ICAM2: variants seen among roughly 807,000 people sequenced by gnomAD.
The protein encoded by ICAM2 is intercellular adhesion molecule 2.
Under a neutral mutation model 19.1 loss-of-function variants are expected in ICAM2, and 14 were observed. The ratio of observed to expected loss-of-function variants is 0.73; its 90% CI spans 0.48 to 1.15. The LOEUF is 1.15. ICAM2 is among the 50% of genes most tolerant of loss of function. The pLI is 0.00. For synonymous variants in ICAM2, 153 were observed against 152.7 expected (o/e 1.00, Z -0.01); for missense variants, 311 against 355.4 (o/e 0.88, Z 1.00).
chr17:64,004,109 G>A, intron 3 of ICAM2, 145 bp from the exon 4 acceptor site: 1 of 628,654 alleles, frequency 1.6e-6, no homozygotes, highest in South Asian at 2.0e-5. Context: ...GAGAGGAAGA[G>A]GGCAGCAGTT....
At chr17:64,010,928 T>G (rs1911424944) in intron 1 of ICAM2, among the ~76,000 whole-genome samples, 3 of 151,952 alleles carry the variant, frequency 2.0e-5, no homozygotes, top group African/African-American at 7.3e-5. Flanking sequence ...TTAAGTTATA[T>G]AAGGAATGGG....
chr17:64,006,762 T>A lies in ICAM2; in HGVS notation c.-44-27A>T. On this transcript the variant is annotated intron_variant, in intron 1 of 4. Transcript: ENST00000579788. ...TGGAGGGAGATGGTGGGCGCAGGTCTGAGCTATGGCCCAGAATCCCTAGCC... is the reference window on the plus strand; with the variant it reads ...TGGAGGGAGATGGTGGGCGCAGGTCAGAGCTATGGCCCAGAATCCCTAGCC... 3.6e-6 allele frequency: 5 copies of A among 1,380,194 alleles called. No homozygotes were observed. In the South Asian group the frequency reaches 5.9e-5, roughly 16 times the overall value. 85.5% of individuals were successfully genotyped at this position (1,380,194 alleles called of 1,614,324 possible).
At chr17:64,003,381 C>G in intron 4 of ICAM2, 1 of 516,402 alleles carries the variant, frequency 1.9e-6, no homozygotes, top group Non-Finnish European at 3.5e-6. Flanking sequence ...TGGAGGGGAG[C>G]CAAGGCCAGG....
chr17:64,009,378 C>G (rs1440542172), intron 1 of ICAM2, among the ~76,000 whole-genome samples: 2 of 151,912 alleles, frequency 1.3e-5, no homozygotes, highest in Non-Finnish European at 2.9e-5. Flanking sequence ...CAAGGCTGAC[C>G]TTATAATGTA....
At chr17:64,014,330 G>GGAAGGAAGGAAGGAAAGAAAGAAA (rs1219763465) in intron 1 of ICAM2, among the ~76,000 whole-genome samples, 1 of 31,156 alleles carries the variant, frequency 3.2e-5, no homozygotes, top group African/African-American at 1.1e-4. Flanking sequence ...AAGGAAGGAA[G>GGAAGGAAGGAAGGAAAGAAAGAAA]GAAAGAAAGA....
At chr17:64,014,566 A>G in intron 1 of ICAM2, among the ~76,000 whole-genome samples, 1 of 142,354 alleles carries the variant, frequency 7.0e-6, no homozygotes, top group South Asian at 2.5e-4. Flanking sequence ...AAAGAAAGAG[A>G]GAGAGAAAGG....
intron 1 of ICAM2, among the ~76,000 whole-genome samples, chr17:64,018,105 G>A (rs558913579): frequency 7.2e-5 from 11 of 152,008 alleles, no homozygotes; most frequent in Non-Finnish European, 1.3e-4. Context: ...AGGCCGAGGC[G>A]GGCTGATCAC....
At position 64,004,169 on chromosome 17, in the gene ICAM2, G is replaced by A. The variant is rs1420439712; in HGVS notation, c.329-205C>T. On this transcript the variant is annotated intron_variant, in intron 3 of 4. Transcript: ENST00000579788. ...TAGTTTTACAGACATGATGGTTTCC[G>A]GTGACCAGGTGTCTACAAGGACAAG... The A allele has an allele frequency of 1.6e-5, 9 of 557,268 alleles. 1 individual carries two copies. The Middle Eastern group carries it at 2.8e-3, about 172-fold the overall frequency. 34.5% of individuals were successfully genotyped at this position (557,268 alleles called of 1,614,324 possible). A position where few individuals can be genotyped will look rare whatever the true frequency, so the allele number is the denominator to read the frequency against.
chr17:64,018,273 G>C (rs1303756196), intron 1 of ICAM2, among the ~76,000 whole-genome samples: 1 of 135,070 alleles, frequency 7.4e-6, no homozygotes, highest in Non-Finnish European at 1.5e-5. Context: ...GGCGGAGCTT[G>C]CAGTGAGCTG....
At chr17:64,009,567 C>T (rs1020065906) in intron 1 of ICAM2, among the ~76,000 whole-genome samples, 9 of 152,150 alleles carry the variant, frequency 5.9e-5, no homozygotes, top group Non-Finnish European at 1.5e-5. Flanking sequence ...CCTGCCTCAG[C>T]CTCCTGAGTA....
At chr17:64,010,552 A>AC (rs908430972) in intron 1 of ICAM2, among the ~76,000 whole-genome samples, 3 of 151,542 alleles carry the variant, frequency 2.0e-5, no homozygotes, top group East Asian at 1.9e-4. Context: ...AAAAAAAAAA[A>AC]AACTATTAGA....
chr17:64,020,362 T>G (rs1567851823), intron 1 of ICAM2, 161 bp downstream of exon 1: 2 of 152,158 alleles, frequency 1.3e-5, no homozygotes, highest in East Asian at 3.9e-4. Flanking sequence ...GTGCAGAATG[T>G]CGAGCCACAG....
intron 3 of ICAM2, 46 bp from the exon 4 acceptor site, chr17:64,004,010 T>A: frequency 7.0e-7 from 1 of 1,425,890 alleles, no homozygotes; most frequent in Non-Finnish European, 9.5e-7. Flanking sequence ...GGGGGTGCAG[T>A]CCCAGCAGCC....
At chr17:64,004,051 A>G in intron 3 of ICAM2, 87 bp from the exon 4 acceptor site, 3 of 1,036,962 alleles carry the variant, frequency 2.9e-6, no homozygotes, top group Non-Finnish European at 4.2e-6. Context: ...TCCTGTCACC[A>G]TGGTGTTCCA....
intron 1 of ICAM2, among the ~76,000 whole-genome samples, chr17:64,015,791 CT>C (rs1911699119): frequency 6.6e-6 from 1 of 152,080 alleles, no homozygotes; most frequent in African/African-American, 2.4e-5. Context: ...ATTTAAAGAT[CT>C]TCCCATGAAG....
chr17:64,003,511 G>T, intron 4 of ICAM2, 133 bp downstream of exon 4: 2 of 806,302 alleles, frequency 2.5e-6, no homozygotes, highest in Non-Finnish European at 4.0e-6. Flanking sequence ...AAGAGGGAGA[G>T]TAAGAGGGAA....
chr17:64,016,461 C>G (rs1911720033), intron 1 of ICAM2, among the ~76,000 whole-genome samples: 1 of 152,184 alleles, frequency 6.6e-6, no homozygotes, highest in African/African-American at 2.4e-5. Context: ...CTTTTCGTCT[C>G]AGGGTCTTCT....
Position 64,003,971 on chromosome 17 carries a change from G to C in ICAM2, c.329-7C>G. The C allele has an allele frequency of 6.2e-7, 1 of 1,601,750 alleles. No homozygotes were observed. The highest frequency in any genetic ancestry group is 8.5e-7 in the Non-Finnish European group (1 of 1,173,926). On this transcript the variant is annotated splice_region_variant and splice_polypyrimidine_tract_variant and intron_variant, in intron 3 of 4. Coordinates refer to ENST00000579788, the MANE Select transcript of ICAM2 (RefSeq NM_001099789.2). ...ATGACCTGCCTTGGAGGCTCTGCAGGGGACAAAGGAGGGAGGTCTGGTCAG... is the reference window on the plus strand; with the variant it reads ...ATGACCTGCCTTGGAGGCTCTGCAGCGGACAAAGGAGGGAGGTCTGGTCAG...
At chr17:64,018,724 T>A in intron 1 of ICAM2, among the ~76,000 whole-genome samples, 1 of 135,770 alleles carries the variant, frequency 7.4e-6, no homozygotes, top group African/African-American at 2.7e-5. Flanking sequence ...TTTTTTTTTT[T>A]TTTTTTTTTT....
Sources: allele counts gnomAD v4.1 joint callset (sites outside exome capture counted in the v4.1 genomes callset), GRCh38; gene constraint gnomAD v4.1.1; transcripts MANE v1.5; gene names NCBI Gene and HGNC (gene_info 2026-07-23, HGNC 2026-07-21).